Variants in SPATA6 observed in about 807,000 individuals in gnomAD.
SPATA6 encodes the protein spermatogenesis associated 6.
Under a neutral mutation model 65.3 loss-of-function variants are expected in SPATA6, and 56 were observed. The ratio of observed to expected loss-of-function variants is 0.86; its 90% CI spans 0.69 to 1.07. SPATA6 has a LOEUF of 1.07. SPATA6 is among the 50% of genes least tolerant of loss of function. The probability of loss-of-function intolerance (pLI) is 0.00; values close to 1 mark genes in which losing one functional copy is unlikely to be tolerated. For synonymous variants in SPATA6, 199 were observed against 213.2 expected, an observed-to-expected ratio of 0.93 and a Z score of 0.58; for missense variants, 590 against 594.8, an observed-to-expected ratio of 0.99 and a Z score of 0.08.
Position 48,411,493 on chromosome 1 carries a change from C to A in SPATA6, c.376G>T (p.Val126Phe), listed in dbSNP as rs372230509. Residue 126 changes from valine (V) to phenylalanine (F), a missense_variant, in exon 5 of 13, where the codon GTT becomes TTT. Coordinates refer to ENST00000371847, the MANE Select transcript of SPATA6 (RefSeq NM_019073.4). Reference sequence around the variant, plus strand: ...AGGCCAGAAATCCTCCTCATGGTAACCTGGCGGTTTGAATCATGGTGTCCA... The same window carrying A: ...AGGCCAGAAATCCTCCTCATGGTAAACTGGCGGTTTGAATCATGGTGTCCA... Reference protein sequence around the residue: ...MSGHHDSNRQVTMRRISGLRG... With the variant: ...MSGHHDSNRQFTMRRISGLRG... The A allele has an allele frequency of 3.7e-6, 6 of 1,609,742 alleles. No homozygotes were observed. Among genetic ancestry groups the A allele is most frequent in the East Asian group, 2.2e-5 (1 of 44,720 alleles).
At chr1:48,282,980 A>G in the SPATA6 span, among the ~76,000 whole-genome samples, 7 of 152,180 alleles carry the variant, frequency 4.6e-5, no homozygotes, top group African/African-American at 1.7e-4. Context: ...TGGCACATAT[A>G]CACCATGGAA....
chr1:48,362,101 T>C (rs1646831274), intron 9 of SPATA6, among the ~76,000 whole-genome samples: 1 of 152,036 alleles, frequency 6.6e-6, no homozygotes, highest in South Asian at 2.1e-4. Context: ...GTGCATATGT[T>C]CAGAGACACA....
At chr1:48,269,744 A>G in the SPATA6 span, among the ~76,000 whole-genome samples, 1 of 151,906 alleles carries the variant, frequency 6.6e-6, no homozygotes, top group South Asian at 2.1e-4. Flanking sequence ...TATAATAAAT[A>G]TGCAAAGTAT....
At chr1:48,445,407 T>G (rs1655924526) in intron 3 of SPATA6, among the ~76,000 whole-genome samples, 1 of 152,124 alleles carries the variant, frequency 6.6e-6, no homozygotes, top group Admixed American at 6.6e-5. Context: ...CTCACGCCTG[T>G]AATCCCAGCA....
In SPATA6 at chr1:48,390,345, A is replaced by G. The variant is rs368734725; in HGVS notation, c.868+4922T>C. On this transcript the variant is annotated intron_variant, in intron 8 of 12. Transcript: ENST00000371847. ...ACAAAGACAAATATTGCATGTTCTC[A>G]TATGTGGAAGCTAAAAATATTCTCT... is the stretch of plus-strand genomic sequence containing the variant. Among the ~76,000 whole-genome samples the G allele has an allele frequency of 1.4e-4, 21 of 152,214 alleles. 1 individual carries two copies. Among genetic ancestry groups the G allele is most frequent in the African/African-American group, 5.1e-4 (21 of 41,448 alleles).
At chr1:48,453,235 T>A in intron 1 of SPATA6, 104 bp from the exon 2 acceptor site, 1 of 1,245,972 alleles carries the variant, frequency 8.0e-7, no homozygotes, top group Non-Finnish European at 1.1e-6. Context: ...AGTCTGGTAA[T>A]CTAATAAAAA....
chr1:48,446,609 C>A (rs1014296003), intron 3 of SPATA6, among the ~76,000 whole-genome samples: 1 of 152,012 alleles, frequency 6.6e-6, no homozygotes, highest in African/African-American at 2.4e-5. Flanking sequence ...AAGTCAATTT[C>A]CACAGAACAG....
chr1:48,345,240 C>T (rs1289911626), intron 11 of SPATA6, among the ~76,000 whole-genome samples: 1 of 152,106 alleles, frequency 6.6e-6, no homozygotes. Flanking sequence ...TCCTGAATGA[C>T]TTTTGGCTAA....
At chr1:48,274,627 G>A in the SPATA6 span, among the ~76,000 whole-genome samples, 22 of 152,110 alleles carry the variant, frequency 1.4e-4, no homozygotes, top group Admixed American at 7.2e-4. Flanking sequence ...TTTTTGTCAC[G>A]TTTTCAAAGA....
intron 3 of SPATA6, among the ~76,000 whole-genome samples, chr1:48,425,209 A>G (rs1490545420): frequency 6.6e-6 from 1 of 152,150 alleles, no homozygotes; most frequent in Non-Finnish European, 1.5e-5. Context: ...TTTTGCATAT[A>G]GATACCCAGT....
At chr1:48,362,533 G>C (rs1646845901) in intron 9 of SPATA6, among the ~76,000 whole-genome samples, 1 of 152,088 alleles carries the variant, frequency 6.6e-6, no homozygotes. Flanking sequence ...GAACATCTTA[G>C]CTCACACTCA....
intron 1 of SPATA6, among the ~76,000 whole-genome samples, chr1:48,465,452 TCTAGATCTACTCCCTAGAGCA>T (rs1007218899): frequency 6.6e-6 from 1 of 152,128 alleles, no homozygotes; most frequent in African/African-American, 2.4e-5. Flanking sequence ...TAGTTCCATT[TCTAGATCTACTCCCTAGAGCA>T]CTGGGTCACC....
the SPATA6 span, among the ~76,000 whole-genome samples, chr1:48,278,259 T>A: frequency 4.6e-5 from 7 of 152,066 alleles, no homozygotes; most frequent in South Asian, 1.5e-3. Context: ...AACTGGAAAC[T>A]CTAAAAAGCA....
chr1:48,321,802 T>A (rs1049934882), intron 11 of SPATA6, among the ~76,000 whole-genome samples: 1 of 152,138 alleles, frequency 6.6e-6, no homozygotes, highest in African/African-American at 2.4e-5. Context: ...TGAAATTATA[T>A]CATGTGTCTT....
chr1:48,442,265 A>T (rs1361433370), intron 3 of SPATA6, among the ~76,000 whole-genome samples: 1 of 152,208 alleles, frequency 6.6e-6, no homozygotes, highest in African/African-American at 2.4e-5. Flanking sequence ...GAAAGGGAAA[A>T]AGAATAAAAG....
At chr1:48,395,034 A>G (rs1420331927) in intron 8 of SPATA6, among the ~76,000 whole-genome samples, 10 of 152,032 alleles carry the variant, frequency 6.6e-5, no homozygotes, top group Admixed American at 6.6e-4. Context: ...GTTAATATAT[A>G]TATTCTAAGT....
chr1:48,277,873 C>A, the SPATA6 span, among the ~76,000 whole-genome samples: 1 of 152,230 alleles, frequency 6.6e-6, no homozygotes, highest in Non-Finnish European at 1.5e-5. Flanking sequence ...GGGCAGACTG[C>A]CTCCTCAAGT....
At chr1:48,379,693 G>C (rs1459957738) in intron 9 of SPATA6, among the ~76,000 whole-genome samples, 5 of 152,118 alleles carry the variant, frequency 3.3e-5, no homozygotes, top group South Asian at 2.1e-4. Context: ...GTCATTCACA[G>C]AGCACCCTCA....
intron 1 of SPATA6, among the ~76,000 whole-genome samples, chr1:48,469,442 G>A (rs1020893390): frequency 8.9e-5 from 13 of 146,146 alleles, no homozygotes; most frequent in Non-Finnish European, 1.6e-4. Flanking sequence ...TAGTTTATAC[G>A]CTACCTATTT....
Sources: allele counts gnomAD v4.1 joint callset (sites outside exome capture counted in the v4.1 genomes callset), GRCh38; gene constraint gnomAD v4.1.1; transcripts MANE v1.5; gene names NCBI Gene and HGNC (gene_info 2026-07-23, HGNC 2026-07-21).